TMEM80: variants seen among roughly 807,000 people sequenced by gnomAD.
TMEM80 encodes the protein transmembrane protein 80.
In TMEM80, 16 loss-of-function variants were observed where a neutral mutation model predicts 13.6. That is an observed-to-expected ratio of 1.17 (90% confidence interval 0.79 to 1.78). TMEM80 has a LOEUF of 1.78. Among genes scored for constraint, TMEM80 ranks in the 40% most tolerant of loss-of-function variants. The pLI, the probability that TMEM80 is intolerant of heterozygous loss-of-function variation, is 0.00. For missense variants in TMEM80, 167 were observed against 184.6 expected (o/e 0.90, Z 0.55); for synonymous variants, 92 against 89.5 (o/e 1.03, Z -0.16).
At chr11:704,713 C>A, downstream of TMEM80, 1 of 1,215,290 alleles carries the variant, frequency 8.2e-7, no homozygotes, top group South Asian at 1.3e-5. Context: ...ACAGGGAACG[C>A]CATGGCTCCA....
rs550129690 is a variant in TMEM80, at chr11:701,600, G to A, written c.226+893G>A. ...TCATTTTTGTATTTTTAGTAGAGATGGGGTTTCACCATGTTAGCCAGGATG... is the reference window on the plus strand; with the variant it reads ...TCATTTTTGTATTTTTAGTAGAGATAGGGTTTCACCATGTTAGCCAGGATG... On this transcript the variant is annotated intron_variant, in intron 4 of 4. Transcript: ENST00000397510. Among the ~76,000 whole-genome samples the A allele has an allele frequency of 4.3e-3, 653 of 151,816 alleles. 6 individuals are homozygous for A. Among genetic ancestry groups the A allele is most frequent in the African/African-American group, 0.015 (616 of 41,356 alleles).
At chr11:702,825 C>T (rs1325843177) in intron 4 of TMEM80, 120 bp from the exon 5 acceptor site, 3 of 972,874 alleles carry the variant, frequency 3.1e-6, no homozygotes, top group Non-Finnish European at 3.0e-6. Context: ...ATTCCCCAGG[C>T]CCCGGAGGAA....
chr11:704,569 AGGACCC>A (rs1349477923), downstream of TMEM80: 1 of 1,288,836 alleles, frequency 7.8e-7, no homozygotes, highest in Non-Finnish European at 1.0e-6. Context: ...TGCCATCTGG[AGGACCC>A]AGCCCACAAA....
upstream of TMEM80, chr11:695,808 C>T: frequency 3.2e-6 from 4 of 1,232,810 alleles, no homozygotes; most frequent in Non-Finnish European, 4.1e-6. Context: ...CGCGACGGAC[C>T]GGCGGGCGGG....
At position 700,180 on chromosome 11, in the gene TMEM80, C is replaced by T. The variant is rs141889473; in HGVS notation, c.78C>T (p.Ser26=). 2.8e-4 allele frequency: 460 copies of T among 1,614,130 alleles called. 1 individual carries two copies. The African/African-American group carries it at 4.2e-3, about 15-fold the overall frequency. ...SVPLQMLFYL[S]GTYYALYFLA... ...CCCTTCAAATGCTGTTTTATCTCAG[C>T]GGAACGTACTACGCCCTGTATTTCC... The change falls in exon 3 of 5, where the codon AGC becomes AGT. Residue 26 remains serine (S), a synonymous_variant. Coordinates refer to ENST00000397510, the MANE Select transcript of TMEM80 (RefSeq NM_001042463.3).
At chr11:700,944 A>C (rs1861427953) in intron 4 of TMEM80, 1 of 572,832 alleles carries the variant, frequency 1.7e-6, no homozygotes, top group Admixed American at 3.0e-5. Flanking sequence ...GTTTGGAAGC[A>C]TGTCTTGTAG....
At chr11:704,514 TC>T (rs774036493), downstream of TMEM80, 37 of 1,289,396 alleles carry the variant, frequency 2.9e-5, no homozygotes, top group South Asian at 4.6e-4. Flanking sequence ...TCGGGCCACC[TC>T]CCTCACCAGC....
chr11:701,697 C>G (rs1305145759), intron 4 of TMEM80, among the ~76,000 whole-genome samples: 1 of 152,104 alleles, frequency 6.6e-6, no homozygotes, highest in African/African-American at 2.4e-5. Context: ...GCGTGAGCCA[C>G]CGCGCCCGGC....
chr11:696,609 A>C (rs1337219347), intron 1 of TMEM80, among the ~76,000 whole-genome samples: 1 of 148,116 alleles, frequency 6.8e-6, no homozygotes, highest in Non-Finnish European at 1.5e-5. Flanking sequence ...TAAAAAAAAA[A>C]CTGTAAACAT....
In TMEM80 at chr11:698,930, C is replaced by T. The variant is rs1207020202; in HGVS notation, c.39+42C>T. 6.2e-6 allele frequency: 10 copies of T among 1,613,084 alleles called. No individual in the cohort carries two copies. In the East Asian group the frequency reaches 1.6e-4, roughly 25 times the overall value. On this transcript the variant is annotated intron_variant, in intron 2 of 4. Coordinates refer to ENST00000397510, the MANE Select transcript of TMEM80 (RefSeq NM_001042463.3). ...CCCTCCAGGACAGCACCCAGAGGCC[C>T]GAATTGCTGCTGCACAGAGAGCACT... is the stretch of plus-strand genomic sequence containing the variant.
chr11:701,621 G>C (rs1861491119), intron 4 of TMEM80, among the ~76,000 whole-genome samples: 1 of 151,880 alleles, frequency 6.6e-6, no homozygotes, highest in South Asian at 2.1e-4. Flanking sequence ...ATGTTAGCCA[G>C]GATGGTTTCC....
intron 4 of TMEM80, among the ~76,000 whole-genome samples, chr11:702,159 A>G (rs536848758): frequency 6.6e-6 from 1 of 152,284 alleles, no homozygotes; most frequent in East Asian, 1.9e-4. Context: ...TCTTGTTATC[A>G]GGCCTCAGAC....
intron 4 of TMEM80, among the ~76,000 whole-genome samples, chr11:701,481 G>T (rs1387484856): frequency 1.4e-5 from 2 of 145,262 alleles, no homozygotes; most frequent in Non-Finnish European, 3.0e-5. Flanking sequence ...CGTGAACTTG[G>T]CTCACTGCAA....
At chr11:698,202 G>A (rs1035230993) in intron 1 of TMEM80, among the ~76,000 whole-genome samples, 1 of 152,114 alleles carries the variant, frequency 6.6e-6, no homozygotes, top group Non-Finnish European at 1.5e-5. Flanking sequence ...CCAGGTCAGC[G>A]TGGATCCAGG....
In TMEM80 at chr11:701,381, T is replaced by G. The variant is rs1459352243; in HGVS notation, c.226+674T>G. Among the ~76,000 whole-genome samples, 780 of 150,370 alleles carry G rather than the reference T, an allele frequency of 5.2e-3. 6 individuals are homozygous for G. The highest frequency in any genetic ancestry group is 0.018 in the African/African-American group (746 of 40,924). ...TTTTGTTTTGTTTTGTTTTGTTTTT[T>G]TTTGGTAGAGACGAGACAAGGTTTC... On this transcript the variant is annotated intron_variant, in intron 4 of 4. Coordinates refer to ENST00000397510, the MANE Select transcript of TMEM80 (RefSeq NM_001042463.3).
Position 703,063 on chromosome 11 carries a change from G to C in TMEM80, c.345G>C (p.Ala115=). 6.2e-7 allele frequency: 1 copy of C among 1,612,708 alleles called. No individual in the cohort carries two copies. The highest frequency in any genetic ancestry group is 8.5e-7 in the Non-Finnish European group (1 of 1,179,758). ...TTTGGCAGGCCCTAGTGTTGTGGGC[G>C]GACTGGGCCCTCAGCGCCACGCTCC... The part of the protein sequence containing the change: ...FLLWQALVLW[A]DWALSATLLA... The change falls in exon 5 of 5, where the codon GCG becomes GCC. Residue 115 remains alanine (A), a synonymous_variant. Coordinates refer to ENST00000397510, the MANE Select transcript of TMEM80 (RefSeq NM_001042463.3).
intron 4 of TMEM80, chr11:700,961 C>T (rs1424770588): frequency 5.7e-6 from 3 of 526,394 alleles, no homozygotes; most frequent in Non-Finnish European, 1.0e-5. Flanking sequence ...GTAGAAGCCA[C>T]TGGGTAATGG....
chr11:695,681 G>A (rs1441059758), upstream of TMEM80: 2 of 1,244,380 alleles, frequency 1.6e-6, no homozygotes, highest in Non-Finnish European at 2.0e-6. Context: ...GACTAATCGG[G>A]CCTCGGCCGT....
intron 1 of TMEM80, chr11:698,033 G>C (rs2133454385): frequency 6.6e-6 from 1 of 152,370 alleles, no homozygotes. Context: ...CTGTGTTCAG[G>C]TTGCTGTCCT....
Sources: gnomAD v4.1 joint callset for allele counts (sites outside exome capture counted in the v4.1 genomes callset) on GRCh38, gnomAD v4.1.1 for gene constraint, MANE v1.5 for transcripts, NCBI Gene and HGNC (gene_info 2026-07-23, HGNC 2026-07-21) for gene names.